Variants in HEMK2 observed in about 807,000 individuals in gnomAD.
HEMK2 encodes the protein HemK methyltransferase 2, ETF1 glutamine and histone H4 lysine.
chr21:28,846,868 T>C, the HEMK2 span, among the ~76,000 whole-genome samples: 7 of 152,336 alleles, frequency 4.6e-5, no homozygotes, highest in Admixed American at 2.0e-4. Context: ...CTCCCACTTA[T>C]AAGCAAGAGT....
the HEMK2 span, among the ~76,000 whole-genome samples, chr21:28,799,632 T>C: frequency 1.3e-5 from 2 of 152,178 alleles, no homozygotes; most frequent in Non-Finnish European, 2.9e-5. Context: ...CTAAACTTGG[T>C]TTCCTCCTAT....
the HEMK2 span, among the ~76,000 whole-genome samples, chr21:28,592,844 AT>A: frequency 6.6e-6 from 1 of 152,156 alleles, no homozygotes; most frequent in African/African-American, 2.4e-5. Context: ...GACATGTCGT[AT>A]TTTTTATTGT....
At chr21:28,576,328 G>A in the HEMK2 span, among the ~76,000 whole-genome samples, 1 of 152,050 alleles carries the variant, frequency 6.6e-6, no homozygotes, top group Non-Finnish European at 1.5e-5. Context: ...ACATTTCCTT[G>A]AATATTAATG....
At chr21:28,589,840 G>A in the HEMK2 span, among the ~76,000 whole-genome samples, 3 of 152,146 alleles carry the variant, frequency 2.0e-5, no homozygotes, top group African/African-American at 7.2e-5. Context: ...AGAACATGAT[G>A]TCACAAGTGA....
the HEMK2 span, among the ~76,000 whole-genome samples, chr21:28,605,432 A>T: frequency 2.0e-5 from 3 of 152,228 alleles, no homozygotes. Context: ...AATACTTTCA[A>T]CTTGGCTATT....
the HEMK2 span, among the ~76,000 whole-genome samples, chr21:28,882,723 A>G: frequency 1.3e-5 from 2 of 152,216 alleles, no homozygotes; most frequent in South Asian, 4.1e-4. Context: ...AAATTTAAGC[A>G]ACTTTAAATG....
the HEMK2 span, among the ~76,000 whole-genome samples, chr21:28,813,776 A>G: frequency 2.0e-5 from 3 of 152,204 alleles, no homozygotes; most frequent in African/African-American, 7.2e-5. Context: ...AACGCCACAC[A>G]TCTACAATTA....
At chr21:28,612,138 C>G in the HEMK2 span, among the ~76,000 whole-genome samples, 1 of 150,954 alleles carries the variant, frequency 6.6e-6, no homozygotes, top group African/African-American at 2.4e-5. Context: ...AAACTACAGA[C>G]CAACATCCCT....
At chr21:28,795,898 C>G in the HEMK2 span, among the ~76,000 whole-genome samples, 2 of 152,162 alleles carry the variant, frequency 1.3e-5, no homozygotes, top group Non-Finnish European at 2.9e-5. Context: ...TATTAGAAAT[C>G]TGAGTGAGAA....
At chr21:28,879,161 T>C in the HEMK2 span, among the ~76,000 whole-genome samples, 2 of 147,416 alleles carry the variant, frequency 1.4e-5, no homozygotes, top group African/African-American at 2.5e-5. Context: ...CATGGCTCAC[T>C]GCAGCTTCCA....
the HEMK2 span, among the ~76,000 whole-genome samples, chr21:28,648,909 A>G: frequency 6.6e-6 from 1 of 150,390 alleles, no homozygotes; most frequent in Non-Finnish European, 1.5e-5. Context: ...AACATTAGGT[A>G]TATCTCCTAA....
At chr21:28,718,804 T>C in the HEMK2 span, among the ~76,000 whole-genome samples, 1 of 152,062 alleles carries the variant, frequency 6.6e-6, no homozygotes, top group African/African-American at 2.4e-5. Flanking sequence ...ACAAAAGAGA[T>C]AAAAGGTGAG....
At chr21:28,775,431 T>G in the HEMK2 span, among the ~76,000 whole-genome samples, 1 of 152,124 alleles carries the variant, frequency 6.6e-6, no homozygotes. Context: ...GAGGAGAATT[T>G]AAAACGTGTG....
At chr21:28,850,217 C>CTTTT in the HEMK2 span, among the ~76,000 whole-genome samples, 618 of 94,414 alleles carry the variant, frequency 6.5e-3, 5 homozygotes, top group East Asian at 0.013. Flanking sequence ...ATTCAGCATT[C>CTTTT]TTTTTTTTTT....
the HEMK2 span, among the ~76,000 whole-genome samples, chr21:28,855,457 T>C: frequency 0.058 from 8,807 of 152,212 alleles, 295 homozygotes; most frequent in Middle Eastern, 0.085. Context: ...ACCATTAAGG[T>C]AGAAAACTAA....
At chr21:28,788,230 G>A in the HEMK2 span, among the ~76,000 whole-genome samples, 26 of 145,076 alleles carry the variant, frequency 1.8e-4, 1 homozygote, top group East Asian at 1.4e-3. Flanking sequence ...ATATATACAC[G>A]TATATACGTA....
the HEMK2 span, among the ~76,000 whole-genome samples, chr21:28,600,473 G>C: frequency 6.6e-6 from 1 of 152,222 alleles, no homozygotes; most frequent in African/African-American, 2.4e-5. Context: ...ACACAGCAGG[G>C]GCACCCTGGG....
At chr21:28,751,064 T>C in the HEMK2 span, among the ~76,000 whole-genome samples, 1 of 151,860 alleles carries the variant, frequency 6.6e-6, no homozygotes, top group Admixed American at 6.6e-5. Context: ...ACCCCGTCTC[T>C]ATGAAAAATA....
chr21:28,614,560 C>T, the HEMK2 span, among the ~76,000 whole-genome samples: 1 of 152,134 alleles, frequency 6.6e-6, no homozygotes, highest in Non-Finnish European at 1.5e-5. Flanking sequence ...TGAGACTTCG[C>T]CATTTTCTTG....
Sources: gnomAD v4.1 joint callset for allele counts (sites outside exome capture counted in the v4.1 genomes callset) on GRCh38, gnomAD v4.1.1 for gene constraint, MANE v1.5 for transcripts, NCBI Gene and HGNC (gene_info 2026-07-23, HGNC 2026-07-21) for gene names.